ADAMTS17: variants seen among roughly 807,000 people sequenced by gnomAD.
ADAMTS17 encodes A disintegrin and metalloproteinase with thrombospondin motifs 17.
Under a neutral mutation model 141.5 loss-of-function variants are expected in ADAMTS17, and 113 were observed. The ratio of observed to expected loss-of-function variants is 0.80; its 90% confidence interval spans 0.69 to 0.93. ADAMTS17 has a LOEUF of 0.93. Ranked by LOEUF, ADAMTS17 falls within the 40% of genes least tolerant of loss-of-function variation. The probability of loss-of-function intolerance (pLI) is 0.00; values close to 1 mark genes in which losing one functional copy is unlikely to be tolerated. For missense variants in ADAMTS17, 1,659 were observed against 1,517.9 expected, an observed-to-expected ratio of 1.09 and a Z score of -1.54; for synonymous variants, 768 against 630.6, an observed-to-expected ratio of 1.22 and a Z score of -3.27.
At chr15:100,119,367 A>G (rs2037333207) in intron 12 of ADAMTS17, among the ~76,000 whole-genome samples, 2 of 152,336 alleles carry the variant, frequency 1.3e-5, no homozygotes, top group South Asian at 4.1e-4. Context: ...ACATGAAGTC[A>G]TGAGGAACAA....
At chr15:100,319,448 C>A (rs553547436) in intron 3 of ADAMTS17, among the ~76,000 whole-genome samples, 1 of 152,200 alleles carries the variant, frequency 6.6e-6, no homozygotes, top group African/African-American at 2.4e-5. Flanking sequence ...CAGTGGCTCA[C>A]GCCTGTAATC....
chr15:100,024,548 G>A (rs943348803), intron 18 of ADAMTS17, among the ~76,000 whole-genome samples: 1 of 152,148 alleles, frequency 6.6e-6, no homozygotes, highest in African/African-American at 2.4e-5. Context: ...AGAGGGCCAG[G>A]GAGGAGTGCT....
chr15:100,262,265 G>C (rs939784720), intron 5 of ADAMTS17, 87 bp downstream of exon 5: 1 of 1,237,548 alleles, frequency 8.1e-7, no homozygotes, highest in Non-Finnish European at 1.2e-6. Context: ...CAACTCCCTG[G>C]AGCCCCGCTT....
At chr15:100,100,245 G>A (rs1046543894) in intron 14 of ADAMTS17, among the ~76,000 whole-genome samples, 11 of 152,308 alleles carry the variant, frequency 7.2e-5, no homozygotes, top group African/African-American at 2.6e-4. Context: ...CCCAGCCCCT[G>A]GATGACTCCT....
chr15:100,196,039 C>T (rs1451505364), intron 8 of ADAMTS17, among the ~76,000 whole-genome samples: 1 of 152,184 alleles, frequency 6.6e-6, no homozygotes. Flanking sequence ...GTACCCTGCA[C>T]ATAGTAGGTG....
intron 4 of ADAMTS17, among the ~76,000 whole-genome samples, chr15:100,270,071 G>A (rs899884070): frequency 2.6e-5 from 4 of 152,156 alleles, no homozygotes; most frequent in South Asian, 2.1e-4. Flanking sequence ...GGCTTCATAA[G>A]CTCTTAAAAA....
intron 17 of ADAMTS17, among the ~76,000 whole-genome samples, chr15:100,051,232 A>T (rs576882973): frequency 6.6e-6 from 1 of 152,218 alleles, no homozygotes; most frequent in Non-Finnish European, 1.5e-5. Flanking sequence ...GTGCCCCTCC[A>T]GCAAGCAGCA....
rs750633374 is a variant in ADAMTS17, at chr15:100,117,028, A to G, written c.1722-15T>C. 5.6e-6 allele frequency: 9 copies of G among 1,596,956 alleles called. No homozygotes were observed. The highest frequency in any genetic ancestry group is 2.7e-5 in the African/African-American group (2 of 74,538). The stretch of plus-strand genomic sequence containing the variant: ...CAGGCCCAGGGCTAGAAGGAAGAAG[A>G]AGGTCTGTGTTAACCAGGTGGTGCG... On this transcript the variant is annotated splice_polypyrimidine_tract_variant and intron_variant, in intron 12 of 21. Transcript: ENST00000268070.
intron 20 of ADAMTS17, among the ~76,000 whole-genome samples, chr15:99,986,548 T>C (rs1176216761): frequency 2.0e-5 from 3 of 152,184 alleles, no homozygotes; most frequent in Middle Eastern, 3.2e-3. Context: ...GCAAGTCAGA[T>C]CAGCCCCTTC....
At chr15:100,051,787 A>C (rs4965569) in intron 16 of ADAMTS17, 56 bp from the exon 17 acceptor site, 2 of 1,609,402 alleles carry the variant, frequency 1.2e-6, no homozygotes, top group Non-Finnish European at 1.7e-6. Flanking sequence ...GCCCGTGGGA[A>C]TGCCGAATCT....
At chr15:100,200,136 T>C (rs905360868) in intron 7 of ADAMTS17, among the ~76,000 whole-genome samples, 1 of 152,172 alleles carries the variant, frequency 6.6e-6, no homozygotes, top group Non-Finnish European at 1.5e-5. Context: ...CACACACACA[T>C]GCTCGCACCT....
At chr15:100,253,336 G>A (rs990181467) in intron 7 of ADAMTS17, among the ~76,000 whole-genome samples, 3 of 131,800 alleles carry the variant, frequency 2.3e-5, no homozygotes, top group African/African-American at 9.1e-5. Context: ...GAAAATGGCA[G>A]GTGAAGGGGA....
At chr15:100,119,321 CG>C (rs2037331067) in intron 12 of ADAMTS17, among the ~76,000 whole-genome samples, 1 of 151,882 alleles carries the variant, frequency 6.6e-6, no homozygotes, top group Non-Finnish European at 1.5e-5. Flanking sequence ...ATGCTCCTCG[CG>C]GAACTTACAT....
chr15:100,096,301 T>C, intron 15 of ADAMTS17, 55 bp downstream of exon 15: 1 of 1,608,064 alleles, frequency 6.2e-7, no homozygotes, highest in South Asian at 1.1e-5. Context: ...TCAATAGCTG[T>C]AGGCAAAGGA....
chr15:100,154,840 T>C (rs117128644), intron 9 of ADAMTS17, among the ~76,000 whole-genome samples: 5,912 of 152,058 alleles, frequency 0.039, 180 homozygotes, highest in South Asian at 0.14. Flanking sequence ...AAATGCTCCA[T>C]TCCGCAGCGG....
At chr15:100,213,225 G>A (rs901089175) in intron 7 of ADAMTS17, among the ~76,000 whole-genome samples, 6 of 152,186 alleles carry the variant, frequency 3.9e-5, no homozygotes, top group Admixed American at 1.3e-4. Context: ...CCATGGAGAT[G>A]GACTTGGCAC....
intron 7 of ADAMTS17, among the ~76,000 whole-genome samples, chr15:100,250,604 G>A (rs1299483007): frequency 6.6e-6 from 1 of 152,192 alleles, no homozygotes; most frequent in Non-Finnish European, 1.5e-5. Context: ...CTCAGCCGCC[G>A]TGGACTTCTG....
At chr15:100,240,386 T>C (rs1332822982) in intron 7 of ADAMTS17, among the ~76,000 whole-genome samples, 1 of 152,196 alleles carries the variant, frequency 6.6e-6, no homozygotes, top group Non-Finnish European at 1.5e-5. Flanking sequence ...GGTAGCAACA[T>C]ATGCCACTGT....
At chr15:100,322,992 C>T (rs953249040) in intron 3 of ADAMTS17, among the ~76,000 whole-genome samples, 1 of 146,392 alleles carries the variant, frequency 6.8e-6, no homozygotes, top group Non-Finnish European at 1.5e-5. Flanking sequence ...GAGGCTGAGG[C>T]AGGAGAATGG....
Sources: gnomAD v4.1 joint callset for allele counts (sites outside exome capture counted in the v4.1 genomes callset) on GRCh38, gnomAD v4.1.1 for gene constraint, MANE v1.5 for transcripts, NCBI Gene and HGNC (gene_info 2026-07-23, HGNC 2026-07-21) for gene names.